Variants in RANBP17 observed in about 807,000 individuals in gnomAD.
The protein encoded by RANBP17 is ran-binding protein 17.
In RANBP17, 158 loss-of-function variants were observed where a neutral mutation model predicts 141.2. The observed-to-expected ratio is 1.12, with a 90% CI of 0.98 to 1.28. RANBP17 has a LOEUF of 1.28. RANBP17 is among the 50% of genes most tolerant of loss of function. The pLI is 0.00. For missense variants in RANBP17, 1,438 were observed against 1,290.7 expected (o/e 1.11, Z -1.75); for synonymous variants, 430 against 450.0 (o/e 0.96, Z 0.56).
rs200590393 is a variant in RANBP17 at position 170,862,660 on chromosome 5, CCGGGCG to C, written c.18+625_18+630del. Among the ~76,000 whole-genome samples, 1,481 of 152,164 alleles carry C rather than the reference CCGGGCG, an allele frequency of 9.7e-3. 6 individuals are homozygous for C. Among genetic ancestry groups the C allele is most frequent in the Admixed American group, 0.011 (171 of 15,300 alleles). The stretch of plus-strand genomic sequence containing the variant: ...GCCTCTTCGGAGGAGGAAACCCGGG[CCGGGCG>C]CGGGCGCGGGCGCGGACGCGAGGAT... On this transcript the variant is annotated intron_variant, in intron 1 of 27. Transcript: ENST00000523189.
At chr5:171,021,320 C>T (rs1780839462) in intron 14 of RANBP17, among the ~76,000 whole-genome samples, 1 of 152,118 alleles carries the variant, frequency 6.6e-6, no homozygotes, top group African/African-American at 2.4e-5. Context: ...ATTGGCCTTT[C>T]TTGCTAGATT....
At chr5:171,172,198 C>T (rs943548601) in intron 16 of RANBP17, among the ~76,000 whole-genome samples, 2 of 151,758 alleles carry the variant, frequency 1.3e-5, no homozygotes, top group Admixed American at 1.3e-4. Context: ...TAAAAGATTT[C>T]CAAAGTATTA....
intron 14 of RANBP17, among the ~76,000 whole-genome samples, chr5:171,059,416 A>G (rs1403936771): frequency 6.6e-6 from 1 of 152,256 alleles, no homozygotes; most frequent in Non-Finnish European, 1.5e-5. Flanking sequence ...TTTATTAAAC[A>G]GGAAATCCTT....
chr5:170,987,007 T>A (rs1476379399), intron 14 of RANBP17, among the ~76,000 whole-genome samples: 2 of 151,896 alleles, frequency 1.3e-5, no homozygotes, highest in Non-Finnish European at 2.9e-5. Flanking sequence ...ACTGGCAACT[T>A]GTATGTTTGT....
intron 14 of RANBP17, among the ~76,000 whole-genome samples, chr5:170,990,670 T>C (rs1443059833): frequency 6.6e-6 from 1 of 152,034 alleles, no homozygotes; most frequent in African/African-American, 2.4e-5. Flanking sequence ...TTTGAAATTG[T>C]GCTGTGCACG....
At chr5:170,900,180 C>G in intron 5 of RANBP17, among the ~76,000 whole-genome samples, 1 of 152,060 alleles carries the variant, frequency 6.6e-6, no homozygotes, top group East Asian at 1.9e-4. Flanking sequence ...CTACCAATTA[C>G]TGCCTTAATT....
intron 12 of RANBP17, among the ~76,000 whole-genome samples, chr5:170,932,681 C>G (rs1363521836): frequency 2.0e-5 from 3 of 152,018 alleles, no homozygotes; most frequent in African/African-American, 4.8e-5. Context: ...TGGTTTTTGT[C>G]TTTGGCTCTG....
intron 14 of RANBP17, among the ~76,000 whole-genome samples, chr5:171,163,945 T>C (rs569855878): frequency 6.6e-5 from 10 of 152,294 alleles, no homozygotes; most frequent in East Asian, 1.9e-4. Flanking sequence ...TAAACACTTA[T>C]AGAAGGCCTA....
intron 13 of RANBP17, among the ~76,000 whole-genome samples, chr5:170,955,006 G>A (rs1292518906): frequency 6.6e-6 from 1 of 152,240 alleles, no homozygotes; most frequent in Admixed American, 6.5e-5. Context: ...CTCATAGGAG[G>A]GTGAACCCTA....
chr5:171,117,638 T>G (rs1036209334), intron 14 of RANBP17, among the ~76,000 whole-genome samples: 1 of 151,882 alleles, frequency 6.6e-6, no homozygotes, highest in Non-Finnish European at 1.5e-5. Flanking sequence ...GGATTACAGA[T>G]GCACGCCATG....
intron 3 of RANBP17, among the ~76,000 whole-genome samples, chr5:170,882,803 T>C (rs1375661350): frequency 6.6e-6 from 1 of 152,222 alleles, no homozygotes; most frequent in African/African-American, 2.4e-5. Flanking sequence ...AGTAGCAGTA[T>C]GTTTTTTGGA....
chr5:171,005,639 C>T (rs1042261110), intron 14 of RANBP17, among the ~76,000 whole-genome samples: 1 of 152,158 alleles, frequency 6.6e-6, no homozygotes, highest in African/African-American at 2.4e-5. Flanking sequence ...ACCATAAAAA[C>T]CCTAGAAGAA....
chr5:171,197,643 C>G (rs766222823), intron 18 of RANBP17, among the ~76,000 whole-genome samples: 5 of 152,094 alleles, frequency 3.3e-5, no homozygotes, highest in Non-Finnish European at 7.4e-5. Flanking sequence ...CGCAGTAACC[C>G]TGATCAGATG....
intron 14 of RANBP17, among the ~76,000 whole-genome samples, chr5:171,109,934 C>T (rs894086294): frequency 6.6e-6 from 1 of 151,956 alleles, no homozygotes; most frequent in Non-Finnish European, 1.5e-5. Context: ...AAACTGTTAC[C>T]TTAAAAGTTA....
intron 14 of RANBP17, among the ~76,000 whole-genome samples, chr5:171,062,384 G>A (rs567409550): frequency 6.6e-6 from 1 of 152,252 alleles, no homozygotes; most frequent in East Asian, 1.9e-4. Flanking sequence ...GCATTTGCTT[G>A]TCTGTAAAGT....
rs138454997 is a variant in RANBP17 at position 171,270,361 on chromosome 5, G to A, written c.2943+4514G>A. Among the ~76,000 whole-genome samples the A allele has an allele frequency of 3.3e-3, 510 of 152,246 alleles. 2 individuals are homozygous for A. The highest frequency in any genetic ancestry group is 0.012 in the African/African-American group (483 of 41,534). On this transcript the variant is annotated intron_variant, in intron 25 of 27. Coordinates refer to ENST00000523189, the MANE Select transcript of RANBP17 (RefSeq NM_022897.5). ...AAGTAAAAACAATTGCGTCACCAGC[G>A]TTGCTTTGACCTAACAGTTGAGAAA...
At chr5:170,967,966 T>C in intron 13 of RANBP17, among the ~76,000 whole-genome samples, 1 of 151,960 alleles carries the variant, frequency 6.6e-6, no homozygotes, top group East Asian at 1.9e-4. Flanking sequence ...TTATCAGTTT[T>C]TAGTAAAATA....
At chr5:171,028,706 C>G (rs1353421478) in intron 14 of RANBP17, among the ~76,000 whole-genome samples, 1 of 152,112 alleles carries the variant, frequency 6.6e-6, no homozygotes, top group Non-Finnish European at 1.5e-5. Flanking sequence ...TACCTTGATA[C>G]CTTTGTCTCT....
At chr5:171,125,855 A>G (rs1040256231) in intron 14 of RANBP17, among the ~76,000 whole-genome samples, 4 of 151,958 alleles carry the variant, frequency 2.6e-5, no homozygotes, top group Non-Finnish European at 5.9e-5. Context: ...CAATGGCACA[A>G]TCTCGGCTCA....
Sources: allele counts gnomAD v4.1 joint callset (sites outside exome capture counted in the v4.1 genomes callset), GRCh38; gene constraint gnomAD v4.1.1; transcripts MANE v1.5; gene names NCBI Gene and HGNC (gene_info 2026-07-23, HGNC 2026-07-21).